Variants in KLF12 observed in about 807,000 individuals in gnomAD.
KLF12 encodes the protein KLF transcription factor 12.
Under a neutral mutation model 37.8 loss-of-function variants are expected in KLF12, and 9 were observed. That is an observed-to-expected ratio of 0.24 (90% CI 0.14 to 0.42). The LOEUF (loss-of-function observed/expected upper bound fraction) is 0.42, where lower values mean the gene tolerates loss of function less well. Among genes scored for constraint, KLF12 ranks in the 10% least tolerant of loss-of-function variants. The pLI, the probability that KLF12 is intolerant of heterozygous loss-of-function variation, is 1.00. For synonymous variants in KLF12, 208 were observed against 202.1 expected, an observed-to-expected ratio of 1.03 and a Z score of -0.25; for missense variants, 411 against 516.0, an observed-to-expected ratio of 0.80 and a Z score of 1.97.
the KLF12 span, among the ~76,000 whole-genome samples, chr13:74,169,382 T>A: frequency 5.9e-5 from 9 of 152,298 alleles, no homozygotes; most frequent in African/African-American, 1.7e-4. Flanking sequence ...TATTCCTGTT[T>A]TATAGATGAA....
intron 2 of KLF12, among the ~76,000 whole-genome samples, chr13:73,990,205 A>T (rs1042227645): frequency 6.6e-6 from 1 of 152,220 alleles, no homozygotes; most frequent in African/African-American, 2.4e-5. Flanking sequence ...ACTAAAGAGA[A>T]GAACAAAATA....
At chr13:73,872,957 T>C (rs7139973) in intron 3 of KLF12, among the ~76,000 whole-genome samples, 151,797 of 152,234 alleles carry the variant, frequency 1, 75,681 homozygotes, top group Non-Finnish European at 1. Flanking sequence ...ACCACTGCTA[T>C]CTTCCAAACA....
chr13:73,913,393 G>A (rs1314445514), intron 3 of KLF12, among the ~76,000 whole-genome samples: 1 of 152,234 alleles, frequency 6.6e-6, no homozygotes, highest in Non-Finnish European at 1.5e-5. Context: ...ACGAGGGCTA[G>A]TCCTCGGGTT....
chr13:73,752,596 G>A (rs1878842671), intron 6 of KLF12, among the ~76,000 whole-genome samples: 1 of 152,092 alleles, frequency 6.6e-6, no homozygotes, highest in Admixed American at 6.6e-5. Context: ...GCTGTTTACA[G>A]TTTTCAGAAC....
intron 6 of KLF12, among the ~76,000 whole-genome samples, chr13:73,762,597 T>C (rs1033356906): frequency 3.9e-5 from 6 of 152,190 alleles, no homozygotes; most frequent in Admixed American, 1.3e-4. Context: ...AAATCACTGT[T>C]CCTAATTCTC....
chr13:73,766,722 C>G (rs1327263896), intron 5 of KLF12, among the ~76,000 whole-genome samples: 1 of 152,142 alleles, frequency 6.6e-6, no homozygotes, highest in African/African-American at 2.4e-5. Flanking sequence ...CTCCTTAACC[C>G]TAGGAGTACA....
chr13:74,202,914 G>T, the KLF12 span, among the ~76,000 whole-genome samples: 1 of 152,110 alleles, frequency 6.6e-6, no homozygotes, highest in African/African-American at 2.4e-5. Context: ...GGTGGGTGCA[G>T]TAGGCAGCAA....
the KLF12 span, among the ~76,000 whole-genome samples, chr13:74,142,963 A>C: frequency 2.5e-4 from 38 of 152,142 alleles, no homozygotes; most frequent in Non-Finnish European, 1.0e-4. Context: ...TTAAACTTAA[A>C]ATCAATTCTT....
In KLF12 at chr13:73,687,536, A is replaced by G. The variant is rs1873564323; in HGVS notation, c.*7954T>C. On this transcript the variant is annotated 3_prime_UTR_variant, in exon 8 of 8. Transcript: ENST00000377669. ...CAAAATTCTGCCATGGGAAAACTAGAACACAAGTAGGGCAAAAGCACTTTT... is the reference window on the plus strand; with the variant it reads ...CAAAATTCTGCCATGGGAAAACTAGGACACAAGTAGGGCAAAAGCACTTTT... The G allele has an allele frequency of 6.6e-6, 1 of 152,196 alleles. No individual in the cohort carries two copies. Among genetic ancestry groups the G allele is most frequent in the Non-Finnish European group, 1.5e-5 (1 of 68,020 alleles). 9.4% of individuals were successfully genotyped at this position (152,196 alleles called of 1,614,324 possible). A position where few individuals can be genotyped will look rare whatever the true frequency, so the allele number is the denominator to read the frequency against.
rs139583003 is a variant in KLF12 at position 73,846,089 on chromosome 13, C to G, written c.408G>C (p.Ala136=). 7.7e-5 allele frequency: 124 copies of G among 1,614,006 alleles called. No individual in the cohort carries two copies. In the African/African-American group the frequency reaches 1.5e-3, roughly 19 times the overall value. ...GAGTTAATACTGTTGACGAAGATGA[C>G]GCTGAAGATACTGATGTGATAACAG... Residue 136 remains alanine (A), a synonymous_variant, in exon 4 of 8, where the codon GCG becomes GCC. Coordinates refer to ENST00000377669, the MANE Select transcript of KLF12 (RefSeq NM_007249.5).
intron 3 of KLF12, among the ~76,000 whole-genome samples, chr13:73,939,622 G>A (rs765622591): frequency 6.6e-6 from 1 of 151,940 alleles, no homozygotes; most frequent in African/African-American, 2.4e-5. Context: ...CAACATAAAC[G>A]AAAGTAATAG....
In KLF12 at chr13:73,756,107, A is replaced by G. The variant is rs1879149019; in HGVS notation, c.869+8831T>C. Among the ~76,000 whole-genome samples the G allele has an allele frequency of 2.0e-5, 3 of 152,178 alleles. No individual in the cohort carries two copies. In the South Asian group the frequency reaches 6.2e-4, roughly 32 times the overall value. On this transcript the variant is annotated intron_variant, in intron 6 of 7. Coordinates refer to ENST00000377669, the MANE Select transcript of KLF12 (RefSeq NM_007249.5). The stretch of plus-strand genomic sequence containing the variant: ...AGTCTTACCTCTTGGGGATTCTTTC[A>G]AGACCTAATTTGAATAGTCTGGGTC...
At chr13:73,732,618 A>G (rs1239255111) in intron 6 of KLF12, among the ~76,000 whole-genome samples, 1 of 152,098 alleles carries the variant, frequency 6.6e-6, no homozygotes, top group Non-Finnish European at 1.5e-5. Context: ...TGACCTCTCA[A>G]TGTTGGAGGT....
At chr13:73,845,776 T>G (rs1884977013) in intron 4 of KLF12, 51 bp downstream of exon 4, 2 of 1,531,942 alleles carry the variant, frequency 1.3e-6, no homozygotes, top group South Asian at 1.2e-5. Context: ...ACTGCAAAAA[T>G]GAAGTCACCT....
At chr13:73,912,583 A>G (rs543635062) in intron 3 of KLF12, among the ~76,000 whole-genome samples, 3 of 152,250 alleles carry the variant, frequency 2.0e-5, no homozygotes, top group Admixed American at 2.0e-4. Context: ...CGAACACCAG[A>G]AGCTAGAAGA....
At chr13:74,143,028 TTCCTTCCC>T in the KLF12 span, among the ~76,000 whole-genome samples, 3 of 146,356 alleles carry the variant, frequency 2.0e-5, no homozygotes, top group Non-Finnish European at 4.5e-5. Context: ...CCCTCCCTCC[TTCCTTCCC>T]TCCTTCCCTC....
intron 5 of KLF12, among the ~76,000 whole-genome samples, chr13:73,778,438 C>A (rs1447778287): frequency 2.0e-5 from 3 of 152,182 alleles, no homozygotes; most frequent in African/African-American, 7.2e-5. Context: ...CACGGCTCTG[C>A]AGCCTTGACC....
chr13:74,176,780 C>T, the KLF12 span, among the ~76,000 whole-genome samples: 1 of 152,120 alleles, frequency 6.6e-6, no homozygotes, highest in Non-Finnish European at 1.5e-5. Context: ...ACTTTCTTGC[C>T]TCATTTCACT....
chr13:73,845,226 A>G (rs1235756158), intron 4 of KLF12: 1 of 152,182 alleles, frequency 6.6e-6, no homozygotes, highest in Non-Finnish European at 1.5e-5. Flanking sequence ...TGTCCCTTAA[A>G]ATAATAACTT....
Sources: gnomAD v4.1 joint callset for allele counts (sites outside exome capture counted in the v4.1 genomes callset) on GRCh38, gnomAD v4.1.1 for gene constraint, MANE v1.5 for transcripts, NCBI Gene and HGNC (gene_info 2026-07-23, HGNC 2026-07-21) for gene names.